Variants in PTPRD observed in about 807,000 individuals in gnomAD.
The protein encoded by PTPRD is protein tyrosine phosphatase receptor type D, also known as receptor-type tyrosine-protein phosphatase delta.
In PTPRD, 34 loss-of-function variants were observed where a neutral mutation model predicts 214.5. That is an observed-to-expected ratio of 0.16 (90% CI 0.12 to 0.21). The LOEUF (loss-of-function observed/expected upper bound fraction) is 0.21. PTPRD is among the 10% of genes least tolerant of loss of function. The probability of loss-of-function intolerance (pLI) is 1.00; values close to 1 mark genes in which losing one functional copy is unlikely to be tolerated. For synonymous variants in PTPRD, 1,128 were observed against 845.7 expected, an observed-to-expected ratio of 1.33 and a Z score of -5.79; for missense variants, 2,545 against 2,398.7, an observed-to-expected ratio of 1.06 and a Z score of -1.27.
intron 5 of PTPRD, among the ~76,000 whole-genome samples, chr9:9,811,517 C>A (rs1475994138): frequency 6.6e-6 from 1 of 152,076 alleles, no homozygotes; most frequent in Non-Finnish European, 1.5e-5. Context: ...ACCATCCTGG[C>A]TGACACGGTG....
intron 10 of PTPRD, among the ~76,000 whole-genome samples, chr9:9,072,036 A>T (rs2099744500): frequency 6.6e-6 from 1 of 152,080 alleles, no homozygotes; most frequent in Non-Finnish European, 1.5e-5. Flanking sequence ...CGAAGAAGTG[A>T]TTGTTTCCTC....
At chr9:10,428,086 C>T (rs965443670) in intron 2 of PTPRD, among the ~76,000 whole-genome samples, 1 of 151,792 alleles carries the variant, frequency 6.6e-6, no homozygotes, top group African/African-American at 2.4e-5. Context: ...GAGGCCAAGG[C>T]GGGAATACCA....
At chr9:10,510,984 T>C (rs2047827552) in intron 2 of PTPRD, among the ~76,000 whole-genome samples, 1 of 152,176 alleles carries the variant, frequency 6.6e-6, no homozygotes, top group Non-Finnish European at 1.5e-5. Flanking sequence ...TTACTTAATG[T>C]AACATAATGT....
At chr9:10,142,192 A>G (rs1370436183) in intron 3 of PTPRD, among the ~76,000 whole-genome samples, 1 of 152,030 alleles carries the variant, frequency 6.6e-6, no homozygotes, top group Non-Finnish European at 1.5e-5. Context: ...CCTAGGCATT[A>G]CCATTCAGGA....
intron 35 of PTPRD, among the ~76,000 whole-genome samples, chr9:8,436,009 G>C (rs760716906): frequency 6.6e-6 from 1 of 152,190 alleles, no homozygotes; most frequent in Admixed American, 6.5e-5. Context: ...TTTCTTTCTA[G>C]ATGAGGATTC....
intron 9 of PTPRD, among the ~76,000 whole-genome samples, chr9:9,266,172 A>C (rs893839528): frequency 2.0e-5 from 3 of 151,650 alleles, no homozygotes; most frequent in East Asian, 2.0e-4. Flanking sequence ...AAAGGGTCAA[A>C]TCATCAAAAG....
intron 2 of PTPRD, among the ~76,000 whole-genome samples, chr9:10,442,557 T>C (rs2098767267): frequency 6.6e-6 from 1 of 151,600 alleles, no homozygotes; most frequent in Non-Finnish European, 1.5e-5. Flanking sequence ...GCTTCTTTTT[T>C]CCTCCAGATA....
chr9:9,720,999 G>A (rs1175792982), intron 7 of PTPRD, among the ~76,000 whole-genome samples: 1 of 151,926 alleles, frequency 6.6e-6, no homozygotes, highest in Non-Finnish European at 1.5e-5. Flanking sequence ...AGGGTGGGAG[G>A]AGCAAGAAGG....
chr9:8,744,959 T>A (rs1761102530), intron 11 of PTPRD, among the ~76,000 whole-genome samples: 2 of 152,034 alleles, frequency 1.3e-5, no homozygotes, highest in South Asian at 4.2e-4. Flanking sequence ...AAACATAAAA[T>A]CTAAAGAAAG....
rs1939943856 is a variant in PTPRD at position 9,266,764 on chromosome 9, A to G, written c.-202-83401T>C. 2.0e-5 allele frequency among the ~76,000 whole-genome samples: 3 copies of G among 151,298 alleles called. No homozygotes were observed. The South Asian group carries it at 6.2e-4, about 31-fold the overall frequency. ...TAAAAAATATTTTGAGACAAATGAAAATGAAAATACAACATATAAAAACTC... is the reference window on the plus strand; with the variant it reads ...TAAAAAATATTTTGAGACAAATGAAGATGAAAATACAACATATAAAAACTC... On this transcript the variant is annotated intron_variant, in intron 9 of 45. Transcript: ENST00000381196.
rs1426402627 is a variant in PTPRD at position 8,328,602 on chromosome 9, AT to A, written c.5534+2979del. Among the ~76,000 whole-genome samples, 3 of 48,872 alleles carry A rather than the reference AT, an allele frequency of 6.1e-5. No homozygotes were observed. In the African/African-American group the frequency reaches 7.8e-4, roughly 13 times the overall value. 32.1% of individuals were successfully genotyped at this position (48,872 alleles called of 152,430 possible). ...GGTTGGGGAAGTTCTTCTGGATAAT[AT>A]CCTGATATCCTGAAGAGTTTTCTCC... On this transcript the variant is annotated intron_variant, in intron 44 of 45. Coordinates refer to ENST00000381196, the MANE Select transcript of PTPRD (RefSeq NM_002839.4).
chr9:8,668,407 G>A (rs2097211146), intron 12 of PTPRD, among the ~76,000 whole-genome samples: 1 of 152,138 alleles, frequency 6.6e-6, no homozygotes. Flanking sequence ...ATAGATACAT[G>A]GAGACACATA....
chr9:9,460,734 T>G (rs2093580797), intron 8 of PTPRD, among the ~76,000 whole-genome samples: 1 of 152,106 alleles, frequency 6.6e-6, no homozygotes, highest in Non-Finnish European at 1.5e-5. Context: ...GAATGGAAAT[T>G]AGTTCAACCC....
At chr9:9,968,622 A>G (rs1283183188) in intron 4 of PTPRD, among the ~76,000 whole-genome samples, 1 of 152,124 alleles carries the variant, frequency 6.6e-6, no homozygotes, top group Admixed American at 6.5e-5. Flanking sequence ...ATGGAAGGGA[A>G]GGGTAGGCTT....
intron 11 of PTPRD, among the ~76,000 whole-genome samples, chr9:8,760,998 C>G (rs2094378938): frequency 6.6e-6 from 1 of 151,968 alleles, no homozygotes; most frequent in Non-Finnish European, 1.5e-5. Flanking sequence ...TCTTTAGTCC[C>G]TTTTTTCACT....
intron 3 of PTPRD, among the ~76,000 whole-genome samples, chr9:10,234,868 G>A (rs948332625): frequency 5.9e-5 from 9 of 151,782 alleles, no homozygotes; most frequent in African/African-American, 2.2e-4. Context: ...CTACTGAACT[G>A]AGTCTGCAAT....
chr9:10,268,144 G>C (rs1461559305), intron 3 of PTPRD, among the ~76,000 whole-genome samples: 1 of 146,218 alleles, frequency 6.8e-6, no homozygotes, highest in Non-Finnish European at 1.5e-5. Flanking sequence ...TAAATAATTG[G>C]CTGAGTGTGG....
intron 3 of PTPRD, among the ~76,000 whole-genome samples, chr9:10,071,901 T>G (rs2098026160): frequency 6.6e-6 from 1 of 151,992 alleles, no homozygotes; most frequent in Admixed American, 6.6e-5. Context: ...TTGCTTCAAT[T>G]TTTTTCGTTT....
chr9:10,415,661 C>T (rs1259242294), intron 2 of PTPRD, among the ~76,000 whole-genome samples: 1 of 151,724 alleles, frequency 6.6e-6, no homozygotes, highest in Non-Finnish European at 1.5e-5. Flanking sequence ...GTGATTTTGC[C>T]AAATTGCAAA....
Sources: gnomAD v4.1 joint callset for allele counts (sites outside exome capture counted in the v4.1 genomes callset) on GRCh38, gnomAD v4.1.1 for gene constraint, MANE v1.5 for transcripts, NCBI Gene and HGNC (gene_info 2026-07-23, HGNC 2026-07-21) for gene names.